Variants in SERP2 observed in about 807,000 individuals in gnomAD.
SERP2 encodes stress-associated endoplasmic reticulum protein 2.
Under a neutral mutation model 9.1 loss-of-function variants are expected in SERP2, and 6 were observed. The ratio of observed to expected loss-of-function variants is 0.66; its 90% CI spans 0.36 to 1.30. The LOEUF is 1.30. SERP2 is among the 50% of genes most tolerant of loss of function. The pLI, the probability that SERP2 is intolerant of heterozygous loss-of-function variation, is 0.03. For missense variants in SERP2, 58 were observed against 81.9 expected (o/e 0.71, Z 1.13); for synonymous variants, 37 against 27.3 (o/e 1.35, Z -1.10).
intron 2 of SERP2, 123 bp from the exon 3 acceptor site, chr13:44,397,149 A>G (rs1390193175): frequency 1.3e-6 from 1 of 756,036 alleles, no homozygotes; most frequent in African/African-American, 1.7e-5. Context: ...GTTAGGAAAT[A>G]TCTAATCAGC....
chr13:44,375,785 T>G (rs1400112563), intron 1 of SERP2, among the ~76,000 whole-genome samples: 4 of 152,220 alleles, frequency 2.6e-5, no homozygotes, highest in Non-Finnish European at 5.9e-5. Context: ...GTTGTATCTA[T>G]TAGGTTCTGT....
chr13:44,389,132 T>G (rs746899481), intron 2 of SERP2, among the ~76,000 whole-genome samples: 1 of 152,200 alleles, frequency 6.6e-6, no homozygotes, highest in Non-Finnish European at 1.5e-5. Context: ...CTGAAATCTT[T>G]TGGGGACACA....
At chr13:44,374,181 G>GGGC in intron 1 of SERP2, 72 bp downstream of exon 1, 29 of 448,600 alleles carry the variant, frequency 6.5e-5, no homozygotes, top group East Asian at 2.2e-4. Context: ...TGGGGGCGGG[G>GGGC]CCGGGCGGGT....
intron 2 of SERP2, among the ~76,000 whole-genome samples, chr13:44,394,479 T>C (rs915071009): frequency 6.6e-6 from 1 of 152,210 alleles, no homozygotes; most frequent in Admixed American, 6.5e-5. Context: ...ATTGCATGGT[T>C]TCTTATTATT....
At chr13:44,390,308 C>A in intron 2 of SERP2, 1 of 189,434 alleles carries the variant, frequency 5.3e-6, no homozygotes, top group Non-Finnish European at 1.1e-5. Flanking sequence ...CCCACCCACC[C>A]GCCCTGGACA....
At chr13:44,395,695 T>C (rs1270786804) in intron 2 of SERP2, 8 of 341,364 alleles carry the variant, frequency 2.3e-5, no homozygotes, top group Non-Finnish European at 4.1e-5. Flanking sequence ...TCACAAGTTG[T>C]TGGACCAACA....
rs570247345 is a variant in SERP2 at position 44,385,673 on chromosome 13, G to A, written c.157+5960G>A. Among the ~76,000 whole-genome samples the A allele has an allele frequency of 1.3e-3, 203 of 152,332 alleles. 1 individual carries two copies. The Middle Eastern group carries it at 0.014, about 10-fold the overall frequency. On this transcript the variant is annotated intron_variant, in intron 2 of 2. Transcript: ENST00000379179. ...GGGAGGATAGTTTCAGGATCTGCCA[G>A]ATGTCAGTTTTGAGCCTAGATTCAC...
rs113636623 is a variant in SERP2, at chr13:44,397,580, T to TC, written c.*268_*269insC. ...ACGCGGGTCGTCCGCAGCAGTGCTG[T>TC]TTTTTTGGTTTTTCCCTTGGTTTCA... On this transcript the variant is annotated 3_prime_UTR_variant, in exon 3 of 3. Transcript: ENST00000379179. 1.9e-6 allele frequency: 1 copy of TC among 534,892 alleles called. No homozygotes were observed. Among genetic ancestry groups the TC allele is most frequent in the Non-Finnish European group, 3.4e-6 (1 of 297,210 alleles). 33.1% of individuals were successfully genotyped at this position (534,892 alleles called of 1,614,324 possible). A position where few individuals can be genotyped will look rare whatever the true frequency, so the allele number is the denominator to read the frequency against.
chr13:44,394,688 C>T (rs1872984885), intron 2 of SERP2, among the ~76,000 whole-genome samples: 1 of 152,250 alleles, frequency 6.6e-6, no homozygotes. Context: ...ACCTATTATC[C>T]ACAGTTTTAT....
At chr13:44,379,518 T>C (rs1168895478) in intron 1 of SERP2, 123 bp from the exon 2 acceptor site, 2 of 648,070 alleles carry the variant, frequency 3.1e-6, no homozygotes, top group South Asian at 2.2e-5. Context: ...CACTGAGGGA[T>C]TGAAACCAAG....
Position 44,397,487 on chromosome 13 carries a change from C to A in SERP2, c.*175C>A. ...CAGACCAAATTGCCTTCTCACAGGA[C>A]ATCTTGGTGCATCCGCGTTCTCAAG... On this transcript the variant is annotated 3_prime_UTR_variant, in exon 3 of 3. Transcript: ENST00000379179. The A allele has an allele frequency of 1.6e-6, 1 of 613,902 alleles. No homozygotes were observed. Among genetic ancestry groups the A allele is most frequent in the South Asian group, 1.9e-5 (1 of 51,620 alleles). The allele number at this position is 613,902 out of a possible 1,614,324, so 38.0% of individuals were successfully genotyped here. A position where few individuals can be genotyped will look rare whatever the true frequency, so the allele number is the denominator to read the frequency against.
chr13:44,393,164 G>A lies in SERP2; in HGVS notation c.158-4108G>A, dbSNP rs189870154. Among the ~76,000 whole-genome samples the A allele has an allele frequency of 2.7e-3, 412 of 152,210 alleles. 4 individuals are homozygous for A. The highest frequency in any genetic ancestry group is 9.1e-3 in the African/African-American group (379 of 41,528). ...CTTTAGCAAAAGATATTCAATGGAG[G>A]GAAGAGAGCAGAAGATAAAATGAGG... On this transcript the variant is annotated intron_variant, in intron 2 of 2. Transcript: ENST00000379179.
chr13:44,390,680 A>C (rs574908685), intron 2 of SERP2: 2 of 180,936 alleles, frequency 1.1e-5, no homozygotes, highest in South Asian at 1.9e-4. Context: ...AGAAAGCTTT[A>C]CATTCTTTGC....
At chr13:44,377,092 A>G (rs1871700974) in intron 1 of SERP2, among the ~76,000 whole-genome samples, 2 of 152,242 alleles carry the variant, frequency 1.3e-5, no homozygotes, top group African/African-American at 4.8e-5. Flanking sequence ...AGCTGTCAAA[A>G]AAAAGATATA....
At chr13:44,397,238 T>C in intron 2 of SERP2, 34 bp from the exon 3 acceptor site, 1 of 1,605,850 alleles carries the variant, frequency 6.2e-7, no homozygotes, top group South Asian at 1.1e-5. Flanking sequence ...GTGTGCAGTC[T>C]GGTGTCTGAG....
chr13:44,386,747 G>A (rs906206084), intron 2 of SERP2, among the ~76,000 whole-genome samples: 12 of 152,172 alleles, frequency 7.9e-5, no homozygotes, highest in African/African-American at 2.7e-4. Context: ...TACCTGTTAT[G>A]GGTCTGCTCA....
chr13:44,385,151 C>CA (rs988827784), intron 2 of SERP2, among the ~76,000 whole-genome samples: 4 of 152,224 alleles, frequency 2.6e-5, no homozygotes, highest in African/African-American at 9.6e-5. Context: ...AAAAAGTCTA[C>CA]AGGACCCCTT....
chr13:44,378,405 G>A (rs1871782832), intron 1 of SERP2, among the ~76,000 whole-genome samples: 1 of 152,142 alleles, frequency 6.6e-6, no homozygotes, highest in South Asian at 2.1e-4. Context: ...CAGTCTGAAT[G>A]TCAAGCTGTG....
chr13:44,397,279 T>G lies in SERP2; in HGVS notation c.165T>G (p.Phe55Leu). ...FVFVVCGSAIFQIIQSIRMGM is the reference protein window; with the variant it reads ...FVFVVCGSAILQIIQSIRMGM ...GTGTTTTCCTCTTTTCAGCTATCTT[T>G]CAGATCATTCAGAGCATAAGGATGG... The change falls in exon 3 of 3, where the codon TTT becomes TTG. Residue 55 changes from phenylalanine (F) to leucine (L), a missense_variant. Coordinates refer to ENST00000379179, the MANE Select transcript of SERP2 (RefSeq NM_001010897.3). 1 of 1,613,808 alleles carries G rather than the reference T, an allele frequency of 6.2e-7. No homozygotes were observed. The highest frequency in any genetic ancestry group is 8.5e-7 in the Non-Finnish European group (1 of 1,179,770).
Sources: allele counts gnomAD v4.1 joint callset (sites outside exome capture counted in the v4.1 genomes callset), GRCh38; gene constraint gnomAD v4.1.1; transcripts MANE v1.5; gene names NCBI Gene and HGNC (gene_info 2026-07-23, HGNC 2026-07-21).